NIPA1: variants seen among roughly 807,000 people sequenced by gnomAD.
NIPA1 encodes magnesium transporter NIPA1.
A neutral mutation model predicts 23.9 loss-of-function variants in NIPA1; 13 were observed. The ratio of observed to expected loss-of-function variants is 0.54; its 90% confidence interval spans 0.35 to 0.87. The LOEUF (loss-of-function observed/expected upper bound fraction) is 0.87. Among genes scored for constraint, NIPA1 ranks in the 40% least tolerant of loss-of-function variants. The pLI, the probability that NIPA1 is intolerant of heterozygous loss-of-function variation, is 0.01. For missense variants in NIPA1, 362 were observed against 429.7 expected (o/e 0.84, Z 1.39); for synonymous variants, 234 against 202.9 (o/e 1.15, Z -1.30).
intron 2 of NIPA1, 32 bp from the exon 3 acceptor site, chr15:22,812,131 T>A (rs775441910): frequency 3.6e-5 from 54 of 1,510,410 alleles, no homozygotes; most frequent in Non-Finnish European, 4.7e-5. Flanking sequence ...GCTCTGTAAT[T>A]GCAAGTAGTA....
At chr15:22,790,520 G>T (rs1028864810) in intron 1 of NIPA1, among the ~76,000 whole-genome samples, 1 of 151,112 alleles carries the variant, frequency 6.6e-6, no homozygotes, top group Non-Finnish European at 1.5e-5. Context: ...GGGTTCAAGC[G>T]ATTCTCCTGC....
chr15:22,797,881 G>A (rs1413553789), intron 1 of NIPA1, among the ~76,000 whole-genome samples: 5 of 141,104 alleles, frequency 3.5e-5, no homozygotes, highest in Non-Finnish European at 7.6e-5. Flanking sequence ...GTCTTGCTCT[G>A]TCACCCAGGC....
intron 1 of NIPA1, among the ~76,000 whole-genome samples, chr15:22,793,326 G>A (rs562992827): frequency 8.9e-5 from 11 of 123,872 alleles, no homozygotes; most frequent in South Asian, 5.5e-4. Flanking sequence ...TCCACTTCAC[G>A]CCAGCCAGGC....
intron 1 of NIPA1, among the ~76,000 whole-genome samples, chr15:22,793,462 A>G (rs1156404481): frequency 6.8e-6 from 1 of 147,216 alleles, no homozygotes; most frequent in Non-Finnish European, 1.5e-5. Context: ...TTTTTTTGAG[A>G]GGGAGTCTTG....
At chr15:22,814,012 T>C (rs1895367512) in intron 3 of NIPA1, 1 of 750,642 alleles carries the variant, frequency 1.3e-6, no homozygotes, top group Admixed American at 2.3e-5. Context: ...GTTAATTTCC[T>C]TAGAACTGTT....
intron 1 of NIPA1, among the ~76,000 whole-genome samples, chr15:22,799,223 T>C (rs1315063288): frequency 2.6e-5 from 4 of 152,150 alleles, no homozygotes; most frequent in Non-Finnish European, 4.4e-5. Flanking sequence ...GTGACACATA[T>C]ACACATATGG....
chr15:22,825,042 A>G lies in NIPA1; in HGVS notation c.*803A>G, dbSNP rs753978129. 2.0e-5 allele frequency: 3 copies of G among 152,546 alleles called. No homozygotes were observed. Among genetic ancestry groups the G allele is most frequent in the Non-Finnish European group, 4.4e-5 (3 of 68,044 alleles). The allele number at this position is 152,546 out of a possible 1,614,324, so 9.4% of individuals were successfully genotyped here. On this transcript the variant is annotated 3_prime_UTR_variant, in exon 5 of 5. Transcript: ENST00000337435. ...AGGCAGTTAGAAATAATACAGTCACATGTCACTTAATGATAGGGAAACATT... is the reference window on the plus strand; with the variant it reads ...AGGCAGTTAGAAATAATACAGTCACGTGTCACTTAATGATAGGGAAACATT...
rs1895703967 is a variant in NIPA1 at position 22,829,080 on chromosome 15, T to C, written c.*4841T>C. 6.6e-6 allele frequency: 1 copy of C among 152,224 alleles called. No individual in the cohort carries two copies. Among genetic ancestry groups the C allele is most frequent in the Non-Finnish European group, 1.5e-5 (1 of 68,036 alleles). The allele number at this position is 152,224 out of a possible 1,614,324, so 9.4% of individuals were successfully genotyped here. On this transcript the variant is annotated 3_prime_UTR_variant, in exon 5 of 5. Transcript: ENST00000337435. ...TTCCATGAAGCTTTAGTTTTCCTTT[T>C]TTTGTTTTAAAAGAAAGGGTTTTAT...
rs763295984 is a variant in NIPA1, at chr15:22,820,398, G to A, written c.403G>A (p.Val135Met). Residue 135 changes from valine (V) to methionine (M), a missense_variant, in exon 4 of 5, where the codon GTG (valine) becomes ATG (methionine). Physicochemically the swap from Val to Met is conservative, Grantham distance 21 (BLOSUM62 1). Coordinates refer to ENST00000337435, the MANE Select transcript of NIPA1 (RefSeq NM_144599.5). Reference sequence around the variant, plus strand: ...CCTGCTAAGCTGTGCAGGCTCCGTCGTGCTGATTATCCACTCCCCAAAGTC... The same window carrying A: ...CCTGCTAAGCTGTGCAGGCTCCGTCATGCTGATTATCCACTCCCCAAAGTC... ...GCLLSCAGSV[V>M]LIIHSPKSES... is the part of the protein sequence containing the mutation. 1 of 1,612,350 alleles carries A rather than the reference G, an allele frequency of 6.2e-7. No individual in the cohort carries two copies. The highest frequency in any genetic ancestry group is 8.5e-7 in the Non-Finnish European group (1 of 1,178,420).
At chr15:22,796,505 T>C in intron 1 of NIPA1, among the ~76,000 whole-genome samples, 1 of 152,162 alleles carries the variant, frequency 6.6e-6, no homozygotes, top group Non-Finnish European at 1.5e-5. Context: ...GGTCTTGTTA[T>C]GTTGATCAGG....
chr15:22,822,099 G>A (rs1895551530), intron 4 of NIPA1, among the ~76,000 whole-genome samples: 1 of 152,102 alleles, frequency 6.6e-6, no homozygotes, highest in African/African-American at 2.4e-5. Flanking sequence ...GACACTTGAG[G>A]TCTTGCTATC....
At chr15:22,802,519 C>G (rs1291496716) in intron 1 of NIPA1, among the ~76,000 whole-genome samples, 1 of 151,982 alleles carries the variant, frequency 6.6e-6, no homozygotes, top group African/African-American at 2.4e-5. Flanking sequence ...ATCCTCACCA[C>G]CAAGAAATTT....
chr15:22,796,056 C>T lies in NIPA1; in HGVS notation c.178+9222C>T, dbSNP rs142147140. On this transcript the variant is annotated intron_variant, in intron 1 of 4. Transcript: ENST00000337435. ...AAGTGATCCTCCTACCCCAGCCTCC[C>T]GAGTAGCACCACCTCTGCATCTAGC... Among the ~76,000 whole-genome samples the T allele has an allele frequency of 2.7e-4, 41 of 152,062 alleles. No homozygotes were observed. The East Asian group carries it at 4.6e-3, about 17-fold the overall frequency.
Position 22,824,018 on chromosome 15 carries a change from T to C in NIPA1, c.769T>C (p.Ser257Pro). 6.2e-7 allele frequency: 1 copy of C among 1,614,128 alleles called. No homozygotes were observed. The highest frequency in any genetic ancestry group is 8.5e-7 in the Non-Finnish European group (1 of 1,179,988). Residue 257 changes from serine (S) to proline (P), a missense_variant, in exon 5 of 5, where the codon TCC becomes CCC. By Grantham distance (74) the Ser-to-Pro change is moderately conservative (BLOSUM62 -1). Transcript: ENST00000337435. This position sits in a 1 kb window ranked among gnomAD's most constrained non-coding sequence, Gnocchi z 4.1. ...CAACAAGGCGCTGGAGTGCTTCGAC[T>C]CCTCGGTGTTCGGGGCCATCTACTA... is the stretch of plus-strand genomic sequence containing the variant. ...YINKALECFD[S>P]SVFGAIYYVV...
intron 2 of NIPA1, 49 bp from the exon 3 acceptor site, chr15:22,812,114 G>A: frequency 7.4e-7 from 1 of 1,349,298 alleles, no homozygotes; most frequent in Non-Finnish European, 1.1e-6. Flanking sequence ...ATCAGTGCTG[G>A]AAGAGAGCTC....
intron 1 of NIPA1, among the ~76,000 whole-genome samples, chr15:22,788,458 C>A (rs1001360287): frequency 7.1e-6 from 1 of 141,370 alleles, no homozygotes; most frequent in African/African-American, 2.5e-5. Context: ...CCGGGATCCG[C>A]CACTGCACTC....
At chr15:22,802,937 C>A (rs906121867) in intron 1 of NIPA1, among the ~76,000 whole-genome samples, 2 of 151,958 alleles carry the variant, frequency 1.3e-5, no homozygotes, top group African/African-American at 4.8e-5. Context: ...CATATCCATT[C>A]TCCTGTTGAT....
chr15:22,815,364 G>A (rs1031868646), intron 3 of NIPA1, among the ~76,000 whole-genome samples: 3 of 151,958 alleles, frequency 2.0e-5, no homozygotes, highest in Non-Finnish European at 4.4e-5. Flanking sequence ...CAAGATCTAG[G>A]CCAGGTGCAG....
intron 3 of NIPA1, among the ~76,000 whole-genome samples, chr15:22,813,180 G>A (rs562418821): frequency 6.7e-4 from 102 of 152,214 alleles, no homozygotes; most frequent in South Asian, 2.1e-3. Context: ...TGCTTAGGCC[G>A]GGCTGGCATG....
Sources: gnomAD v4.1 joint callset for allele counts (sites outside exome capture counted in the v4.1 genomes callset) on GRCh38, gnomAD v4.1.1 for gene constraint, Gnocchi (gnomAD v3.1) non-coding constraint, MANE v1.5 for transcripts, NCBI Gene and HGNC (gene_info 2026-07-23, HGNC 2026-07-21) for gene names.